The following SPAG16 variants were observed in gnomAD, a reference collection of about 807,000 sequenced individuals.
SPAG16 encodes the protein sperm associated antigen 16.
In SPAG16, 86 loss-of-function variants were observed where a neutral mutation model predicts 80.4. That is an observed-to-expected ratio of 1.07 (90% CI 0.90 to 1.28). SPAG16 has a LOEUF of 1.28. Ranked by LOEUF, SPAG16 falls within the 50% of genes most tolerant of loss-of-function variation. The pLI is 0.00. For synonymous variants in SPAG16, 294 were observed against 265.9 expected, an observed-to-expected ratio of 1.11 and a Z score of -1.03; for missense variants, 870 against 765.3, an observed-to-expected ratio of 1.14 and a Z score of -1.61.
intron 10 of SPAG16, among the ~76,000 whole-genome samples, chr2:213,802,800 T>C (rs552778931): frequency 6.6e-6 from 1 of 152,268 alleles, no homozygotes; most frequent in South Asian, 2.1e-4. Flanking sequence ...TCTGTCTCTC[T>C]CTTTTTTTAA....
At chr2:214,158,884 G>A (rs10179848) in intron 15 of SPAG16, among the ~76,000 whole-genome samples, 6,296 of 151,988 alleles carry the variant, frequency 0.041, 181 homozygotes, top group Middle Eastern at 0.075. Context: ...TTTTAATCTA[G>A]CACATGCCCA....
At chr2:213,543,748 T>C (rs1296417788) in intron 10 of SPAG16, among the ~76,000 whole-genome samples, 1 of 152,046 alleles carries the variant, frequency 6.6e-6, no homozygotes, top group Non-Finnish European at 1.5e-5. Context: ...CTTTGGTCTT[T>C]TTAAAATCAA....
intron 10 of SPAG16, among the ~76,000 whole-genome samples, chr2:213,652,404 A>T (rs1277570525): frequency 6.6e-6 from 1 of 152,138 alleles, no homozygotes; most frequent in Admixed American, 6.5e-5. Flanking sequence ...GCTCTCCTAA[A>T]ATGTGGTAAT....
chr2:214,341,597 T>C (rs1213142423), intron 15 of SPAG16, among the ~76,000 whole-genome samples: 1 of 152,188 alleles, frequency 6.6e-6, no homozygotes, highest in Admixed American at 6.5e-5. Flanking sequence ...CATAAGCATC[T>C]GCAGATTCTG....
At chr2:213,379,254 G>C (rs1428642191) in intron 9 of SPAG16, among the ~76,000 whole-genome samples, 1 of 152,162 alleles carries the variant, frequency 6.6e-6, no homozygotes, top group Non-Finnish European at 1.5e-5. Flanking sequence ...CATGAATCCT[G>C]GCTATGGGAG....
chr2:213,573,924 C>A (rs936046248), intron 10 of SPAG16, among the ~76,000 whole-genome samples: 4 of 152,116 alleles, frequency 2.6e-5, no homozygotes, highest in African/African-American at 9.7e-5. Context: ...TACTTGTCCC[C>A]TGGGGATCTT....
intron 5 of SPAG16, among the ~76,000 whole-genome samples, chr2:213,336,206 G>T (rs1016807488): frequency 1.3e-5 from 2 of 152,144 alleles, no homozygotes; most frequent in African/African-American, 4.8e-5. Flanking sequence ...TTCCCCTTGC[G>T]AGCCCACGCC....
chr2:213,588,872 A>G (rs1176828522), intron 10 of SPAG16, among the ~76,000 whole-genome samples: 4 of 149,216 alleles, frequency 2.7e-5, no homozygotes, highest in Non-Finnish European at 4.5e-5. Context: ...AGAAACTACA[A>G]TTGAGTAGCA....
intron 12 of SPAG16, among the ~76,000 whole-genome samples, chr2:213,997,144 C>G (rs2046560912): frequency 2.6e-5 from 4 of 152,088 alleles, no homozygotes; most frequent in Admixed American, 2.6e-4. Flanking sequence ...AATTTTCTTC[C>G]TTTGATAGCT....
chr2:213,609,210 G>A (rs1210895402), intron 10 of SPAG16, among the ~76,000 whole-genome samples: 3 of 152,140 alleles, frequency 2.0e-5, no homozygotes, highest in African/African-American at 2.4e-5. Context: ...CCAGATCACT[G>A]GAAGCCTTTT....
chr2:213,763,644 A>T (rs914739891), intron 10 of SPAG16, among the ~76,000 whole-genome samples: 2 of 145,774 alleles, frequency 1.4e-5, no homozygotes, highest in Non-Finnish European at 3.0e-5. Context: ...TAAAAATTTT[A>T]AAGGGTGGAT....
intron 10 of SPAG16, among the ~76,000 whole-genome samples, chr2:213,641,198 A>G (rs1451712963): frequency 6.6e-6 from 1 of 152,170 alleles, no homozygotes; most frequent in East Asian, 1.9e-4. Context: ...GATGTGTCAT[A>G]CAGGTTGTCA....
chr2:213,945,909 G>A (rs889734423), intron 12 of SPAG16, among the ~76,000 whole-genome samples: 6 of 152,090 alleles, frequency 3.9e-5, no homozygotes, highest in African/African-American at 7.2e-5. Flanking sequence ...ACCGTTTTGC[G>A]AACAATACAC....
chr2:213,741,576 A>G (rs1429053010), intron 10 of SPAG16, among the ~76,000 whole-genome samples: 3 of 152,180 alleles, frequency 2.0e-5, no homozygotes, highest in African/African-American at 7.2e-5. Flanking sequence ...GTACAGATAA[A>G]AGAAAGCAGA....
chr2:213,457,353 T>C (rs1209571174), intron 9 of SPAG16, among the ~76,000 whole-genome samples: 1 of 152,246 alleles, frequency 6.6e-6, no homozygotes. Context: ...TTTCTGTCTA[T>C]GTACTTCAGT....
chr2:214,165,324 C>T (rs1254969655), intron 15 of SPAG16, among the ~76,000 whole-genome samples: 1 of 151,834 alleles, frequency 6.6e-6, no homozygotes, highest in Non-Finnish European at 1.5e-5. Flanking sequence ...ACGTAGGGGG[C>T]TTCTTAGTAA....
chr2:214,106,090 T>C (rs980626373), intron 13 of SPAG16, among the ~76,000 whole-genome samples: 19 of 152,108 alleles, frequency 1.2e-4, no homozygotes, highest in Non-Finnish European at 2.8e-4. Context: ...AGTTTAGCGA[T>C]TCTCAAGTTA....
intron 13 of SPAG16, among the ~76,000 whole-genome samples, chr2:214,074,912 G>A (rs189824429): frequency 5.7e-4 from 87 of 152,094 alleles, no homozygotes; most frequent in Admixed American, 1.2e-3. Context: ...TGCAGAGTGG[G>A]AAAAGAATAT....
chr2:213,443,486 CT>C (rs1352481986), intron 9 of SPAG16, among the ~76,000 whole-genome samples: 3 of 152,060 alleles, frequency 2.0e-5, no homozygotes, highest in East Asian at 1.9e-4. Context: ...AATGACTGAT[CT>C]TTTTTTAGGG....
Sources: allele counts gnomAD v4.1 joint callset (sites outside exome capture counted in the v4.1 genomes callset), GRCh38; gene constraint gnomAD v4.1.1; transcripts MANE v1.5; gene names NCBI Gene and HGNC (gene_info 2026-07-23, HGNC 2026-07-21).